DMD: variants seen among roughly 807,000 people sequenced by gnomAD.
DMD encodes mutant dystrophin.
DMD carries 63 observed loss-of-function variants against 330.1 expected under a neutral mutation model. The ratio of observed to expected loss-of-function variants is 0.19; its 90% CI spans 0.16 to 0.24. DMD has a LOEUF of 0.24. Among genes scored for constraint, DMD ranks in the 10% least tolerant of loss-of-function variants. The probability of loss-of-function intolerance (pLI) is 1.00; values close to 1 mark genes in which losing one functional copy is unlikely to be tolerated. For missense variants in DMD, 3,344 were observed against 2,684.1 expected (o/e 1.25, Z -5.43); for synonymous variants, 1,223 against 959.8 (o/e 1.27, Z -5.07).
intron 12 of DMD, among the ~76,000 whole-genome samples, chrX:32,597,990 G>C (rs960807372): frequency 4.5e-5 from 5 of 112,200 alleles, no homozygotes; most frequent in Non-Finnish European, 9.4e-5. Flanking sequence ...ACAGTGCTTA[G>C]CACCTATCAG....
At chrX:31,744,481 C>T (rs974920819) in intron 51 of DMD, among the ~76,000 whole-genome samples, 8 of 111,682 alleles carry the variant, frequency 7.2e-5, no homozygotes, top group African/African-American at 9.8e-5. Flanking sequence ...GATTATTACT[C>T]CTCAATTTTT....
At chrX:32,749,496 A>C (rs2070513614) in intron 7 of DMD, among the ~76,000 whole-genome samples, 1 of 112,492 alleles carries the variant, frequency 8.9e-6, no homozygotes, top group African/African-American at 3.2e-5. Flanking sequence ...ATTGCTCACA[A>C]GGTTATTAAA....
At position 33,153,555 on chromosome X, in the gene DMD, A is replaced by T. The variant is rs563099527; in HGVS notation, c.31+57727T>A. The stretch of plus-strand genomic sequence containing the variant: ...TGTAGACGTAAAAAATTTAAAACGT[A>T]TGAAAACTGGGATATATCAATTATC... On this transcript the variant is annotated intron_variant, in intron 1 of 78. Coordinates refer to ENST00000357033, the MANE Select transcript of DMD (RefSeq NM_004006.3). Among the ~76,000 whole-genome samples, 22 of 113,151 alleles carry T rather than the reference A, an allele frequency of 1.9e-4. 1 individual carries two copies. The South Asian group carries it at 6.7e-3, about 35-fold the overall frequency.
intron 13 of DMD, among the ~76,000 whole-genome samples, chrX:32,577,542 G>T (rs977056174): frequency 1.8e-5 from 2 of 112,362 alleles, no homozygotes; most frequent in African/African-American, 3.2e-5. Context: ...TTATTTAAGA[G>T]TTGGTCGTTG....
chrX:31,413,539 A>C (rs889331004), intron 60 of DMD, among the ~76,000 whole-genome samples: 8 of 111,779 alleles, frequency 7.2e-5, no homozygotes, highest in African/African-American at 2.3e-4. Context: ...TATCTAGAAA[A>C]ATGACAAAAA....
At chrX:31,942,368 A>G (rs1569519156) in intron 45 of DMD, among the ~76,000 whole-genome samples, 1 of 112,195 alleles carries the variant, frequency 8.9e-6, no homozygotes, top group African/African-American at 3.2e-5. Flanking sequence ...TATACTCAAC[A>G]ACATCCTAGT....
At chrX:32,582,276 G>A (rs1033484565) in intron 13 of DMD, among the ~76,000 whole-genome samples, 1 of 111,061 alleles carries the variant, frequency 9.0e-6, no homozygotes, top group Non-Finnish European at 1.9e-5. Context: ...TACAGATAAT[G>A]TATTCAAATT....
chrX:31,484,959 A>G (rs1421911786), intron 57 of DMD, among the ~76,000 whole-genome samples: 2 of 112,121 alleles, frequency 1.8e-5, no homozygotes, highest in Non-Finnish European at 3.8e-5. Context: ...TGAGATACAG[A>G]TAAGTTAGGG....
chrX:32,767,175 A>G (rs2148430248), intron 7 of DMD, among the ~76,000 whole-genome samples: 1 of 111,774 alleles, frequency 8.9e-6, no homozygotes, highest in East Asian at 2.8e-4. Context: ...TTTGAGGCTC[A>G]TTTGCATATG....
intron 43 of DMD, among the ~76,000 whole-genome samples, chrX:32,242,670 A>G: frequency 9.0e-6 from 1 of 111,507 alleles, no homozygotes; most frequent in South Asian, 3.7e-4. Flanking sequence ...ATAAAATCAC[A>G]TGGAACATTT....
intron 60 of DMD, among the ~76,000 whole-genome samples, chrX:31,367,044 A>G (rs1315199363): frequency 9.0e-6 from 1 of 111,496 alleles, no homozygotes; most frequent in Non-Finnish European, 1.9e-5. Context: ...GAAACTTACT[A>G]GAATCCAATC....
intron 49 of DMD, 82 bp from the exon 50 acceptor site, chrX:31,820,165 T>A: frequency 7.5e-6 from 6 of 801,345 alleles, no homozygotes; most frequent in Non-Finnish European, 1.1e-5. Context: ...ATTTGGTGAA[T>A]ATATTATTGG....
chrX:32,209,251 G>A (rs1052487429), intron 44 of DMD, among the ~76,000 whole-genome samples: 1 of 111,229 alleles, frequency 9.0e-6, no homozygotes, highest in Non-Finnish European at 1.9e-5. Flanking sequence ...GTGTGCGTAC[G>A]TGTGTGCTTT....
chrX:32,044,708 C>T (rs1285392946), intron 44 of DMD, among the ~76,000 whole-genome samples: 1 of 111,743 alleles, frequency 8.9e-6, no homozygotes, highest in Non-Finnish European at 1.9e-5. Flanking sequence ...AGGCGTGAGC[C>T]TCCGCACCCA....
chrX:32,894,175 G>C (rs1276615569), intron 2 of DMD, among the ~76,000 whole-genome samples: 1 of 112,059 alleles, frequency 8.9e-6, no homozygotes. Context: ...ATTGTTTTGA[G>C]AGCTGACCAA....
intron 44 of DMD, among the ~76,000 whole-genome samples, chrX:32,189,800 G>A (rs183057178): frequency 0.015 from 1,681 of 110,934 alleles, 31 homozygotes; most frequent in African/African-American, 0.052. Flanking sequence ...GACCCCAAAA[G>A]CCTAACTATG....
chrX:33,206,895 G>A (rs768629662), intron 1 of DMD, among the ~76,000 whole-genome samples: 9 of 110,054 alleles, frequency 8.2e-5, no homozygotes, highest in Non-Finnish European at 1.7e-4. Context: ...TAAGTTCAGG[G>A]CTACAAGTGC....
chrX:33,148,504 G>A (rs1326965724), intron 1 of DMD, among the ~76,000 whole-genome samples: 2 of 111,261 alleles, frequency 1.8e-5, no homozygotes, highest in East Asian at 2.8e-4. Flanking sequence ...ATAAAAGAAG[G>A]GATGGCTTTT....
Position 32,844,787 on chromosome X carries a change from T to C in DMD, c.260A>G (p.Asn87Ser), listed in dbSNP as rs1452900149. ...VNKALRVLQN[N>S]NVDLVNIGST... Reference sequence around the variant, plus strand: ...CTTGTCCAGGGTACTACTTACATTATTGTTCTGCAAAACCCGCAGTGCCTT... The same window carrying C: ...CTTGTCCAGGGTACTACTTACATTACTGTTCTGCAAAACCCGCAGTGCCTT... Residue 87 changes from asparagine (N) to serine (S), a missense_variant, in exon 4 of 79, where the codon AAT becomes AGT. Physicochemically the swap from Asn to Ser is conservative, Grantham distance 46. Coordinates refer to ENST00000357033, the MANE Select transcript of DMD (RefSeq NM_004006.3). 1.7e-6 allele frequency: 2 copies of C among 1,208,954 alleles called. No individual in the cohort carries two copies. Among genetic ancestry groups the C allele is most frequent in the Admixed American group, 2.2e-5 (1 of 46,063 alleles).
Sources: allele counts gnomAD v4.1 joint callset (sites outside exome capture counted in the v4.1 genomes callset), GRCh38; gene constraint gnomAD v4.1.1; transcripts MANE v1.5; gene names NCBI Gene and HGNC (gene_info 2026-07-23, HGNC 2026-07-21).